The following PAX3 variants were observed in gnomAD, a reference collection of about 807,000 sequenced individuals.
PAX3 encodes the protein paired box protein Pax-3.
In PAX3, 14 loss-of-function variants were observed where a neutral mutation model predicts 51.6. The ratio of observed to expected loss-of-function variants is 0.27; its 90% CI spans 0.18 to 0.42. The LOEUF is 0.42. Among genes scored for constraint, PAX3 ranks in the 10% least tolerant of loss-of-function variants. The pLI is 1.00. For missense variants in PAX3, 540 were observed against 642.8 expected, an observed-to-expected ratio of 0.84 and a Z score of 1.73; for synonymous variants, 280 against 253.4, an observed-to-expected ratio of 1.11 and a Z score of -1.00.
At chr2:222,206,923 G>A (rs775564744) in intron 7 of PAX3, among the ~76,000 whole-genome samples, 1 of 151,992 alleles carries the variant, frequency 6.6e-6, no homozygotes, top group African/African-American at 2.4e-5. Context: ...CTTGGTTCAC[G>A]TCTTTATTTT....
At position 222,297,562 on chromosome 2, in the gene PAX3, A is replaced by G. The variant is rs1559321190; in HGVS notation, c.86-349T>C. 5.3e-5 allele frequency among the ~76,000 whole-genome samples: 8 copies of G among 152,232 alleles called. No homozygotes were observed. The South Asian group carries it at 1.7e-3, about 32-fold the overall frequency. ...CTAGAAACAGCCTCCTGGCGAAGAG[A>G]AGTTCACCCAGGAGCTGGCCTTGAT... On this transcript the variant is annotated intron_variant, in intron 1 of 8. Coordinates refer to ENST00000392070, the MANE Select transcript of PAX3 (RefSeq NM_181458.4).
In PAX3 at chr2:222,201,448, A is replaced by C. The variant is rs775383699; in HGVS notation, c.1421-6T>G. On this transcript the variant is annotated splice_polypyrimidine_tract_variant and splice_region_variant and intron_variant, in intron 8 of 8. Coordinates refer to ENST00000392070, the MANE Select transcript of PAX3 (RefSeq NM_181458.4). ...CTTGAGATAATGAAAGGCACCTGTA[A>C]GGAAACACACGCAGCTTTTTAGGTC... The C allele has an allele frequency of 1.2e-5, 20 of 1,613,984 alleles. No homozygotes were observed. The Middle Eastern group carries it at 1.5e-3, about 119-fold the overall frequency.
chr2:222,220,021 G>A lies in PAX3; in HGVS notation c.1173+119C>T, dbSNP rs1004825928. The A allele has an allele frequency of 1.3e-5, 11 of 856,200 alleles. No individual in the cohort carries two copies. In the African/African-American group the frequency reaches 1.7e-4, roughly 13 times the overall value. 53.0% of individuals were successfully genotyped at this position (856,200 alleles called of 1,614,324 possible). ...GAAACCAGAAAACTGAAATCATGTG[G>A]CTTCTATAAAGAATACATTATGGTT... On this transcript the variant is annotated intron_variant, in intron 7 of 8. Transcript: ENST00000392070.
At chr2:222,267,858 G>A (rs188022762) in intron 4 of PAX3, among the ~76,000 whole-genome samples, 4 of 152,124 alleles carry the variant, frequency 2.6e-5, no homozygotes, top group African/African-American at 7.2e-5. Context: ...TTTGTGATTC[G>A]TCGTATTATA....
chr2:222,243,990 A>C (rs1693117462), intron 4 of PAX3, among the ~76,000 whole-genome samples: 1 of 152,154 alleles, frequency 6.6e-6, no homozygotes, highest in African/African-American at 2.4e-5. Flanking sequence ...GAGGCCGTGA[A>C]GAGGGGATAA....
At chr2:222,287,044 G>C (rs543851190) in intron 4 of PAX3, among the ~76,000 whole-genome samples, 82 of 152,292 alleles carry the variant, frequency 5.4e-4, no homozygotes, top group African/African-American at 1.9e-3. Context: ...TAGATAATTT[G>C]AAGAAAGCCT....
intron 4 of PAX3, among the ~76,000 whole-genome samples, chr2:222,234,860 A>C (rs938936113): frequency 1.3e-4 from 20 of 152,222 alleles, no homozygotes; most frequent in African/African-American, 4.8e-4. Flanking sequence ...CCCTAAGAAG[A>C]CAAATTTCCA....
chr2:222,216,909 T>C (rs1691984194), intron 7 of PAX3, among the ~76,000 whole-genome samples: 1 of 152,184 alleles, frequency 6.6e-6, no homozygotes, highest in Non-Finnish European at 1.5e-5. Flanking sequence ...TGCAGAAATA[T>C]TTTTAACATG....
intron 4 of PAX3, among the ~76,000 whole-genome samples, chr2:222,257,202 C>T (rs1693678151): frequency 8.5e-6 from 1 of 117,476 alleles, no homozygotes; most frequent in African/African-American, 2.8e-5. Context: ...ATAAATGGCT[C>T]AGCATTTTTT....
chr2:222,217,685 G>T, intron 7 of PAX3, among the ~76,000 whole-genome samples: 1 of 152,144 alleles, frequency 6.6e-6, no homozygotes, highest in Non-Finnish European at 1.5e-5. Flanking sequence ...TCTATGATAA[G>T]CAGTGACTTA....
chr2:222,292,385 A>G (rs1207040244), intron 4 of PAX3, among the ~76,000 whole-genome samples: 1 of 152,236 alleles, frequency 6.6e-6, no homozygotes, highest in African/African-American at 2.4e-5. Flanking sequence ...TGGACTCTCC[A>G]GGCTTTGTCT....
intron 7 of PAX3, among the ~76,000 whole-genome samples, chr2:222,216,377 G>T (rs1237770492): frequency 6.6e-5 from 10 of 152,170 alleles, no homozygotes; most frequent in Admixed American, 6.5e-4. Context: ...AGAAAAACTT[G>T]CCAATGATTA....
intron 4 of PAX3, among the ~76,000 whole-genome samples, chr2:222,268,369 T>C (rs1694126534): frequency 6.6e-6 from 1 of 152,222 alleles, no homozygotes; most frequent in Non-Finnish European, 1.5e-5. Flanking sequence ...CTTTTTATCA[T>C]GACCAATAGA....
intron 6 of PAX3, 142 bp from the exon 7 acceptor site, chr2:222,220,496 C>T (rs1289130805): frequency 2.6e-6 from 2 of 778,622 alleles, no homozygotes; most frequent in Admixed American, 2.0e-5. Context: ...GTTTCTTAAC[C>T]TGCAGGTGTA....
At chr2:222,212,391 T>C (rs551928616) in intron 7 of PAX3, among the ~76,000 whole-genome samples, 2 of 152,248 alleles carry the variant, frequency 1.3e-5, no homozygotes, top group African/African-American at 4.8e-5. Context: ...TTCCCTTCAA[T>C]GTAGACACGT....
rs150899847 is a variant in PAX3, at chr2:222,256,344, C to A, written c.587-24061G>T. On this transcript the variant is annotated intron_variant, in intron 4 of 8. Coordinates refer to ENST00000392070, the MANE Select transcript of PAX3 (RefSeq NM_181458.4). The stretch of plus-strand genomic sequence containing the variant: ...CAGACAGTGCTCACCATCCTCTGGA[C>A]GACGCCTTGATAGGAGCAGGACGTC... Among the ~76,000 whole-genome samples the A allele has an allele frequency of 1.3e-3, 196 of 152,238 alleles. 1 individual carries two copies. The highest frequency in any genetic ancestry group is 4.2e-3 in the African/African-American group (176 of 41,550).
At chr2:222,271,374 A>G (rs543298515) in intron 4 of PAX3, among the ~76,000 whole-genome samples, 2 of 152,326 alleles carry the variant, frequency 1.3e-5, no homozygotes, top group East Asian at 1.9e-4. Flanking sequence ...ACATATTGCA[A>G]TGCTTCCTCA....
chr2:222,256,927 T>C (rs1317071530), intron 4 of PAX3, among the ~76,000 whole-genome samples: 1 of 152,212 alleles, frequency 6.6e-6, no homozygotes, highest in Non-Finnish European at 1.5e-5. Flanking sequence ...ATCATTGAAA[T>C]GGACCCTGTA....
At chr2:222,256,575 T>A (rs1693654491) in intron 4 of PAX3, among the ~76,000 whole-genome samples, 1 of 152,168 alleles carries the variant, frequency 6.6e-6, no homozygotes, top group Admixed American at 6.5e-5. Flanking sequence ...TTGATTTCTC[T>A]ACTGCAAGGA....
Sources: allele counts gnomAD v4.1 joint callset (sites outside exome capture counted in the v4.1 genomes callset), GRCh38; gene constraint gnomAD v4.1.1; transcripts MANE v1.5; gene names NCBI Gene and HGNC (gene_info 2026-07-23, HGNC 2026-07-21).